The following EVA1C variants were observed in gnomAD, a reference collection of about 807,000 sequenced individuals.
EVA1C encodes the protein eva-1 homolog C.
Under a neutral mutation model 45.4 loss-of-function variants are expected in EVA1C, and 25 were observed. The ratio of observed to expected loss-of-function variants is 0.55; its 90% CI spans 0.40 to 0.77. The LOEUF is 0.77. Among genes scored for constraint, EVA1C ranks in the 30% least tolerant of loss-of-function variants. The probability of loss-of-function intolerance (pLI) is 0.00; values close to 1 mark genes in which losing one functional copy is unlikely to be tolerated. For synonymous variants in EVA1C, 190 were observed against 221.2 expected, an observed-to-expected ratio of 0.86 and a Z score of 1.25; for missense variants, 479 against 554.8, an observed-to-expected ratio of 0.86 and a Z score of 1.37.
rs143354814 is a variant in EVA1C at position 32,496,753 on chromosome 21, C to T, written c.778+1583C>T. The T allele has an allele frequency of 1.3e-3, 862 of 643,228 alleles. 10 individuals carry two copies. In the African/African-American group the frequency reaches 0.014, roughly 10 times the overall value. 39.8% of individuals were successfully genotyped at this position (643,228 alleles called of 1,614,324 possible). A position where few individuals can be genotyped will look rare whatever the true frequency, so the allele number is the denominator to read the frequency against. ...CCTCCAAATAAGGTGTAGTTTTGGC[C>T]GGGGACCGGGAAAGCTGAGACACTG... On this transcript the variant is annotated intron_variant, in intron 5 of 7. Coordinates refer to ENST00000300255, the MANE Select transcript of EVA1C (RefSeq NM_058187.5).
rs2035046387 is a variant in EVA1C, at chr21:32,438,460, CTGGGTG to C, written c.161-14851_161-14846del. ...TGCAATCATGCCACTGCACTCCAGC[CTGGGTG>C]ACAGAGTGAGACTCTGTCTCAAAAA... On this transcript the variant is annotated intron_variant, in intron 1 of 7. Coordinates refer to ENST00000300255, the MANE Select transcript of EVA1C (RefSeq NM_058187.5). Among the ~76,000 whole-genome samples the C allele has an allele frequency of 3.3e-5, 4 of 121,000 alleles. No homozygotes were observed. The South Asian group carries it at 8.8e-4, about 27-fold the overall frequency. 79.4% of individuals were successfully genotyped at this position (121,000 alleles called of 152,430 possible).
At chr21:32,421,837 A>G (rs1441890428) in intron 1 of EVA1C, among the ~76,000 whole-genome samples, 1 of 152,182 alleles carries the variant, frequency 6.6e-6, no homozygotes, top group African/African-American at 2.4e-5. Context: ...TGAGGTCAGG[A>G]GTTCAAGACC....
chr21:32,481,772 G>A (rs537169602), intron 4 of EVA1C, among the ~76,000 whole-genome samples: 8 of 152,168 alleles, frequency 5.3e-5, no homozygotes, highest in Admixed American at 3.9e-4. Flanking sequence ...CCTTAAAATC[G>A]ATAAGGGAGA....
chr21:32,475,076 T>G (rs116153162), intron 4 of EVA1C, among the ~76,000 whole-genome samples: 9 of 152,344 alleles, frequency 5.9e-5, no homozygotes, highest in African/African-American at 2.2e-4. Context: ...TTGGTTTCAC[T>G]GCAGACCTCT....
At chr21:32,477,820 C>T (rs2036631689) in intron 4 of EVA1C, among the ~76,000 whole-genome samples, 1 of 25,480 alleles carries the variant, frequency 3.9e-5, no homozygotes, top group African/African-American at 2.1e-4. Context: ...CCCCGTACGC[C>T]CTCCCCTCCC....
intron 4 of EVA1C, 63 bp downstream of exon 4, chr21:32,467,911 T>TATATAG: frequency 9.7e-7 from 1 of 1,033,414 alleles, no homozygotes; most frequent in East Asian, 3.2e-5. Flanking sequence ...ATAGAATATA[T>TATATAG]ATATATATAT....
intron 2 of EVA1C, among the ~76,000 whole-genome samples, chr21:32,454,005 T>C (rs1488131446): frequency 6.6e-6 from 1 of 151,974 alleles, no homozygotes; most frequent in Non-Finnish European, 1.5e-5. Context: ...CCGAGGTGGG[T>C]GGATCATGAG....
chr21:32,458,727 C>T (rs964681987), intron 3 of EVA1C, among the ~76,000 whole-genome samples: 2 of 151,896 alleles, frequency 1.3e-5, no homozygotes, highest in Admixed American at 6.6e-5. Flanking sequence ...CTGATCCACC[C>T]GTCTTGGCCT....
At chr21:32,471,111 A>AT (rs1288335664) in intron 4 of EVA1C, among the ~76,000 whole-genome samples, 2 of 151,808 alleles carry the variant, frequency 1.3e-5, no homozygotes, top group African/African-American at 4.8e-5. Flanking sequence ...AACACCCTGC[A>AT]GGGGCTCCCT....
At chr21:32,418,116 A>T (rs1402054472) in intron 1 of EVA1C, among the ~76,000 whole-genome samples, 2 of 152,178 alleles carry the variant, frequency 1.3e-5, no homozygotes, top group African/African-American at 4.8e-5. Context: ...ACACCTGTGC[A>T]TGCACAGCCA....
At chr21:32,481,609 G>T (rs2036791510) in intron 4 of EVA1C, among the ~76,000 whole-genome samples, 1 of 151,432 alleles carries the variant, frequency 6.6e-6, no homozygotes, top group African/African-American at 2.4e-5. Context: ...TAAAAAAAGA[G>T]TTTATTAAAA....
intron 4 of EVA1C, among the ~76,000 whole-genome samples, chr21:32,491,252 G>A (rs2037143159): frequency 2.0e-5 from 3 of 152,158 alleles, no homozygotes; most frequent in Admixed American, 2.0e-4. Context: ...GACACAGGCT[G>A]GGGTGGGAGA....
At chr21:32,478,035 C>T (rs1415796292) in intron 4 of EVA1C, among the ~76,000 whole-genome samples, 2 of 147,576 alleles carry the variant, frequency 1.4e-5, no homozygotes, top group Non-Finnish European at 3.0e-5. Context: ...CTCTGGTTCA[C>T]GGTGGGAGGA....
intron 7 of EVA1C, among the ~76,000 whole-genome samples, chr21:32,506,418 T>C (rs921163120): frequency 6.6e-6 from 1 of 151,756 alleles, no homozygotes; most frequent in African/African-American, 2.4e-5. Context: ...GATGAGCTGT[T>C]ATTTGATTTT....
intron 4 of EVA1C, among the ~76,000 whole-genome samples, chr21:32,488,636 A>C (rs1386975908): frequency 2.7e-5 from 4 of 148,284 alleles, no homozygotes; most frequent in Non-Finnish European, 5.9e-5. Context: ...CCCAGGCTGG[A>C]GTGCAGTGGT....
intron 1 of EVA1C, among the ~76,000 whole-genome samples, chr21:32,415,302 T>C (rs2033990946): frequency 6.6e-6 from 1 of 152,048 alleles, no homozygotes; most frequent in Admixed American, 6.6e-5. Context: ...TACTTGCCTG[T>C]TTTTCTAAAT....
chr21:32,504,870 A>G (rs888465736), intron 7 of EVA1C, among the ~76,000 whole-genome samples: 11 of 152,066 alleles, frequency 7.2e-5, no homozygotes, highest in African/African-American at 2.7e-4. Context: ...GGTAATTTAT[A>G]AAGGAAAGAG....
chr21:32,434,713 T>A (rs9981732), intron 1 of EVA1C, among the ~76,000 whole-genome samples: 23,133 of 125,922 alleles, frequency 0.18, 1,185 homozygotes, highest in Admixed American at 0.26. Context: ...CACATGAAGA[T>A]TGGACTTATG....
chr21:32,427,385 G>A (rs1190763249), intron 1 of EVA1C, among the ~76,000 whole-genome samples: 1 of 152,176 alleles, frequency 6.6e-6, no homozygotes, highest in Non-Finnish European at 1.5e-5. Context: ...AATGCCTCTT[G>A]AATGGAGTAT....
Sources: gnomAD v4.1 joint callset for allele counts (sites outside exome capture counted in the v4.1 genomes callset) on GRCh38, gnomAD v4.1.1 for gene constraint, MANE v1.5 for transcripts, NCBI Gene and HGNC (gene_info 2026-07-23, HGNC 2026-07-21) for gene names.